TMEM154: variants seen among roughly 807,000 people sequenced by gnomAD.
The protein encoded by TMEM154 is transmembrane protein 154.
TMEM154 carries 27 observed loss-of-function variants against 24.5 expected under a neutral mutation model. The observed-to-expected ratio is 1.10, with a 90% CI of 0.81 to 1.52. The LOEUF is 1.52. TMEM154 is among the 40% of genes most tolerant of loss of function. The pLI is 0.00. For missense variants in TMEM154, 228 were observed against 213.4 expected (o/e 1.07, Z -0.43); for synonymous variants, 67 against 76.8 (o/e 0.87, Z 0.67).
intron 5 of TMEM154, 131 bp downstream of exon 5, chr4:152,642,957 C>T (rs1752285357): frequency 2.9e-6 from 2 of 699,898 alleles, no homozygotes; most frequent in Admixed American, 2.9e-5. Context: ...TTATTATCTG[C>T]ATGTACCAGA....
rs1275746659 is a variant in TMEM154, at chr4:152,628,482, T to C, written c.*64A>G. On this transcript the variant is annotated 3_prime_UTR_variant, in exon 7 of 7. Coordinates refer to ENST00000304385, the MANE Select transcript of TMEM154 (RefSeq NM_152680.3). The stretch of plus-strand genomic sequence containing the variant: ...AAATTTGTATCCTCTTCATCCTCTG[T>C]TGGCAGCCTCAGCAGACTCCCTCAG... 3.1e-6 allele frequency: 5 copies of C among 1,597,636 alleles called. No homozygotes were observed. Among genetic ancestry groups the C allele is most frequent in the Admixed American group, 1.7e-5 (1 of 58,928 alleles).
At chr4:152,645,000 G>A (rs542665804) in intron 3 of TMEM154, among the ~76,000 whole-genome samples, 104 of 152,296 alleles carry the variant, frequency 6.8e-4, no homozygotes, top group African/African-American at 2.5e-3. Context: ...TCCTCGGGGA[G>A]GCCTTCCCCA....
chr4:152,653,616 C>T (rs1357678392), intron 1 of TMEM154, among the ~76,000 whole-genome samples: 1 of 151,588 alleles, frequency 6.6e-6, no homozygotes, highest in Non-Finnish European at 1.5e-5. Context: ...TCTCGAACTC[C>T]ATGCCTCAAG....
intron 6 of TMEM154, among the ~76,000 whole-genome samples, chr4:152,634,287 G>C (rs1360106030): frequency 2.0e-5 from 3 of 152,124 alleles, no homozygotes; most frequent in Admixed American, 6.5e-5. Context: ...AGTCTATCTT[G>C]TAACAATCCC....
intron 6 of TMEM154, among the ~76,000 whole-genome samples, chr4:152,633,802 T>C (rs564885525): frequency 1.3e-5 from 2 of 152,156 alleles, no homozygotes; most frequent in East Asian, 3.9e-4. Flanking sequence ...AGTGAGACAC[T>C]GTCTCTACAA....
intron 1 of TMEM154, chr4:152,669,985 T>A (rs1728794325): frequency 6.6e-6 from 1 of 152,202 alleles, no homozygotes; most frequent in African/African-American, 2.4e-5. Context: ...TTACACAAAG[T>A]TTAGTTATTT....
rs1431479859 is a variant in TMEM154 at position 152,619,226 on chromosome 4, A to G, written c.*9320T>C. 6.6e-6 allele frequency: 1 copy of G among 152,130 alleles called. No homozygotes were observed. The highest frequency in any genetic ancestry group is 2.4e-5 in the African/African-American group (1 of 41,408). The allele number at this position is 152,130 out of a possible 1,614,324, so 9.4% of individuals were successfully genotyped here. On this transcript the variant is annotated 3_prime_UTR_variant, in exon 7 of 7. Transcript: ENST00000304385. ...GGCTCATGACTCATGTAGTTGGTAA[A>G]ACTAGTTCTACCACCTACTACAGAC... is the stretch of plus-strand genomic sequence containing the variant.
intron 6 of TMEM154, among the ~76,000 whole-genome samples, chr4:152,636,923 G>A (rs1561045428): frequency 6.6e-6 from 1 of 152,210 alleles, no homozygotes; most frequent in Non-Finnish European, 1.5e-5. Flanking sequence ...CATACTTTCT[G>A]AAGCATTAAA....
At chr4:152,661,704 T>A (rs1728617025) in intron 1 of TMEM154, among the ~76,000 whole-genome samples, 1 of 152,230 alleles carries the variant, frequency 6.6e-6, no homozygotes. Context: ...TAAGGAGTGA[T>A]CCCCAAGGTC....
chr4:152,660,635 G>C (rs1728583847), intron 1 of TMEM154, among the ~76,000 whole-genome samples: 2 of 152,190 alleles, frequency 1.3e-5, no homozygotes, highest in Non-Finnish European at 2.9e-5. Flanking sequence ...GGCAGAACCA[G>C]AGCTTATAAC....
Position 152,628,264 on chromosome 4 carries a change from T to G in TMEM154, c.*282A>C, listed in dbSNP as rs1257910114. 3.9e-6 allele frequency: 2 copies of G among 515,206 alleles called. No homozygotes were observed. The highest frequency in any genetic ancestry group is 3.5e-5 in the East Asian group (1 of 28,396). The allele number at this position is 515,206 out of a possible 1,614,324, so 31.9% of individuals were successfully genotyped here. ...AAGTTGGCTGAGAGGAGGCAACACA[T>G]GTTGATCAGAAGTGAGCACATCACC... On this transcript the variant is annotated 3_prime_UTR_variant, in exon 7 of 7. Coordinates refer to ENST00000304385, the MANE Select transcript of TMEM154 (RefSeq NM_152680.3).
chr4:152,665,203 C>T (rs1332597513), intron 1 of TMEM154, among the ~76,000 whole-genome samples: 1 of 152,204 alleles, frequency 6.6e-6, no homozygotes, highest in African/African-American at 2.4e-5. Flanking sequence ...GAGCAAGACC[C>T]TGTTCTAAAT....
intron 1 of TMEM154, among the ~76,000 whole-genome samples, chr4:152,674,656 C>A (rs760961212): frequency 6.6e-6 from 1 of 152,180 alleles, no homozygotes; most frequent in African/African-American, 2.4e-5. Flanking sequence ...CAATCATGGG[C>A]TCCCTTAAGC....
In TMEM154 at chr4:152,640,967, G is replaced by T. The variant is rs549930060; in HGVS notation, c.497C>A (p.Pro166His). 6.2e-7 allele frequency: 1 copy of T among 1,609,266 alleles called. No individual in the cohort carries two copies. The highest frequency in any genetic ancestry group is 8.5e-7 in the Non-Finnish European group (1 of 1,178,082). ...TGATTCCTTCTCTTCCTTCAAGGTA[G>T]GTAAACATTCAAAGTCGGCTAGGAC... ...MNRNADFECL[P>H]TLKEEKESNH... is the part of the protein sequence containing the mutation. Residue 166 changes from proline (P) to histidine (H), a missense_variant, in exon 6 of 7, where the codon CCT (proline) becomes CAT (histidine). Coordinates refer to ENST00000304385, the MANE Select transcript of TMEM154 (RefSeq NM_152680.3).
intron 6 of TMEM154, among the ~76,000 whole-genome samples, chr4:152,632,790 G>A (rs1752072875): frequency 6.6e-6 from 1 of 152,168 alleles, no homozygotes; most frequent in African/African-American, 2.4e-5. Flanking sequence ...GTTGTCCTGA[G>A]TCTGAATCAG....
chr4:152,660,394 T>C (rs574128607), intron 1 of TMEM154, among the ~76,000 whole-genome samples: 12 of 149,134 alleles, frequency 8.0e-5, no homozygotes, highest in Admixed American at 4.6e-4. Flanking sequence ...CTCACTTTAC[T>C]TCTTTTGGTT....
chr4:152,666,691 A>C (rs1288161083), intron 1 of TMEM154: 1 of 152,288 alleles, frequency 6.6e-6, no homozygotes, highest in Non-Finnish European at 1.5e-5. Context: ...ATTGTTCAGC[A>C]TCTGTGGAAT....
At chr4:152,630,711 CA>C (rs1041523072) in intron 6 of TMEM154, among the ~76,000 whole-genome samples, 1 of 152,118 alleles carries the variant, frequency 6.6e-6, no homozygotes, top group Non-Finnish European at 1.5e-5. Context: ...AAAATTTGTC[CA>C]TATTCATTGG....
In TMEM154 at chr4:152,653,025, T is replaced by A. The variant is rs1728419493; in HGVS notation, c.65-98A>T. 3.9e-6 allele frequency: 5 copies of A among 1,298,326 alleles called. 1 individual carries two copies. The South Asian group carries it at 6.3e-5, about 16-fold the overall frequency. 80.4% of individuals were successfully genotyped at this position (1,298,326 alleles called of 1,614,324 possible). ...AATTATTCCTAGATACATTCTGTGA[T>A]AAATTTGACCCACTATACTTGGCCT... is the stretch of plus-strand genomic sequence containing the variant. On this transcript the variant is annotated intron_variant, in intron 1 of 6. Transcript: ENST00000304385.
Sources: gnomAD v4.1 joint callset for allele counts (sites outside exome capture counted in the v4.1 genomes callset) on GRCh38, gnomAD v4.1.1 for gene constraint, MANE v1.5 for transcripts, NCBI Gene and HGNC (gene_info 2026-07-23, HGNC 2026-07-21) for gene names.